The following MME variants were observed in gnomAD, a reference collection of about 807,000 sequenced individuals.
MME encodes the protein neprilysin.
MME carries 98 observed loss-of-function variants against 113.2 expected under a neutral mutation model. That is an observed-to-expected ratio of 0.87 (90% CI 0.74 to 1.02). The LOEUF is 1.02. Ranked by LOEUF, MME falls within the 50% of genes least tolerant of loss-of-function variation. The pLI, the probability that MME is intolerant of heterozygous loss-of-function variation, is 0.00. For missense variants in MME, 836 were observed against 896.0 expected (o/e 0.93, Z 0.86); for synonymous variants, 292 against 300.6 (o/e 0.97, Z 0.30).
intron 1 of MME, among the ~76,000 whole-genome samples, chr3:155,033,873 A>G (rs1480759079): frequency 6.6e-6 from 1 of 152,198 alleles, no homozygotes; most frequent in Non-Finnish European, 1.5e-5. Flanking sequence ...AAAATCCCAT[A>G]TAACTTTCTT....
At chr3:155,102,938 G>A (rs547191070) in intron 3 of MME, among the ~76,000 whole-genome samples, 4 of 152,156 alleles carry the variant, frequency 2.6e-5, no homozygotes, top group Admixed American at 6.5e-5. Context: ...GTCCTCTTTC[G>A]GTTGCCTCTT....
At chr3:155,176,076 G>T (rs754197497) in intron 22 of MME, among the ~76,000 whole-genome samples, 3 of 152,130 alleles carry the variant, frequency 2.0e-5, no homozygotes, top group Non-Finnish European at 4.4e-5. Flanking sequence ...ATGAAGATTG[G>T]ATACCTTATT....
chr3:155,035,095 G>A (rs1713087995), intron 1 of MME, among the ~76,000 whole-genome samples: 1 of 151,886 alleles, frequency 6.6e-6, no homozygotes, highest in Admixed American at 6.6e-5. Flanking sequence ...TAGAAATCAC[G>A]ATGGAGAAAA....
intron 17 of MME, among the ~76,000 whole-genome samples, chr3:155,165,309 A>G (rs972852437): frequency 1.3e-5 from 2 of 152,114 alleles, no homozygotes; most frequent in African/African-American, 4.8e-5. Flanking sequence ...TTGATTAAAC[A>G]GGGGAAATAT....
chr3:155,053,177 CG>C (rs1713816402), intron 1 of MME, among the ~76,000 whole-genome samples: 1 of 152,194 alleles, frequency 6.6e-6, no homozygotes, highest in African/African-American at 2.4e-5. Context: ...GCCCACCAAA[CG>C]GTTCCAGTCT....
intron 1 of MME, 94 bp downstream of exon 1, chr3:155,080,560 C>T (rs1473734171): frequency 1.3e-5 from 2 of 152,010 alleles, no homozygotes; most frequent in Non-Finnish European, 2.9e-5. Flanking sequence ...TTCATTATCC[C>T]ACCTCTTCAT....
chr3:155,119,551 A>C (rs1436816406), intron 8 of MME, among the ~76,000 whole-genome samples: 1 of 116,476 alleles, frequency 8.6e-6, no homozygotes, highest in Non-Finnish European at 1.8e-5. Flanking sequence ...ATATCTCCCA[A>C]TGCTATCCCT....
intron 3 of MME, among the ~76,000 whole-genome samples, chr3:155,093,010 C>A (rs754944758): frequency 2.0e-5 from 3 of 150,910 alleles, no homozygotes; most frequent in African/African-American, 7.3e-5. Context: ...AAAAATTAAT[C>A]GGGTGAATTT....
chr3:155,125,423 C>T (rs998701597), intron 8 of MME, among the ~76,000 whole-genome samples: 12 of 139,398 alleles, frequency 8.6e-5, no homozygotes, highest in Non-Finnish European at 1.1e-4. Context: ...TGTTCCTATT[C>T]GGCCAACTTG....
intron 3 of MME, among the ~76,000 whole-genome samples, chr3:155,103,051 T>C (rs1174029267): frequency 6.6e-6 from 1 of 152,202 alleles, no homozygotes; most frequent in Non-Finnish European, 1.5e-5. Flanking sequence ...CCCTCTCTCC[T>C]CTACCTTCAA....
intron 1 of MME, among the ~76,000 whole-genome samples, chr3:155,049,513 A>C (rs969172346): frequency 2.0e-5 from 3 of 152,150 alleles, no homozygotes; most frequent in Non-Finnish European, 4.4e-5. Flanking sequence ...TAGAAAAAAA[A>C]GTTTAGATTG....
At chr3:155,163,857 T>A (rs1321179704) in intron 17 of MME, among the ~76,000 whole-genome samples, 1 of 152,220 alleles carries the variant, frequency 6.6e-6, no homozygotes, top group East Asian at 1.9e-4. Context: ...AAAAAGAATG[T>A]TTAGACTATG....
chr3:155,122,318 A>G (rs1298928483), intron 8 of MME, among the ~76,000 whole-genome samples: 2 of 147,776 alleles, frequency 1.4e-5, no homozygotes, highest in Non-Finnish European at 3.0e-5. Context: ...TTTTTTCTTT[A>G]TTAGTCTTAC....
intron 1 of MME, among the ~76,000 whole-genome samples, chr3:155,026,535 G>C (rs1205336221): frequency 6.6e-6 from 1 of 152,094 alleles, no homozygotes; most frequent in African/African-American, 2.4e-5. Flanking sequence ...ACCAGCTTGG[G>C]CAACATGGTG....
Position 155,116,969 on chromosome 3 carries a change from GT to G in MME, c.638del (p.Val213GlyfsTer4). 1 of 1,570,402 alleles carries G rather than the reference GT, an allele frequency of 6.4e-7. No homozygotes were observed. The highest frequency in any genetic ancestry group is 8.8e-7 in the Non-Finnish European group (1 of 1,140,820). On this transcript the variant is annotated frameshift_variant, in exon 7 of 23. Transcript: ENST00000360490. LOFTEE classifies it high-confidence loss of function. ...LFVGTDDKNS[V>X]NHVIHIDQPR... ...TGTTGGCACTGATGATAAGAATTCT[GT>G]GAATCATGTAATTCATGTAAGTTTG...
chr3:155,139,661 T>A (rs911632940), intron 9 of MME, among the ~76,000 whole-genome samples: 1 of 152,190 alleles, frequency 6.6e-6, no homozygotes, highest in Admixed American at 6.6e-5. Context: ...TCCATGATGT[T>A]GCCATTCTCA....
At chr3:155,084,416 T>G in intron 2 of MME, 89 bp downstream of exon 2, 1 of 1,356,234 alleles carries the variant, frequency 7.4e-7, no homozygotes, top group Non-Finnish European at 1.1e-6. Context: ...ACGAATGTGT[T>G]AAGGATAGAG....
chr3:155,089,458 T>A (rs758515318), intron 3 of MME, among the ~76,000 whole-genome samples: 2 of 152,202 alleles, frequency 1.3e-5, no homozygotes, highest in Non-Finnish European at 2.9e-5. Context: ...ATAGGATATT[T>A]AGTAGCATCC....
intron 17 of MME, among the ~76,000 whole-genome samples, chr3:155,161,792 G>A (rs1722742886): frequency 6.6e-6 from 1 of 152,078 alleles, no homozygotes; most frequent in Non-Finnish European, 1.5e-5. Flanking sequence ...TTAGCTCAAA[G>A]TCTAAGCTAA....
Sources: gnomAD v4.1 joint callset for allele counts (sites outside exome capture counted in the v4.1 genomes callset) on GRCh38, gnomAD v4.1.1 for gene constraint, MANE v1.5 for transcripts, NCBI Gene and HGNC (gene_info 2026-07-23, HGNC 2026-07-21) for gene names.